MGAT4C: variants seen among roughly 807,000 people sequenced by gnomAD.
The protein encoded by MGAT4C is alpha-1,3-mannosyl-glycoprotein 4-beta-N-acetylglucosaminyltransferase C.
MGAT4C carries 19 observed loss-of-function variants against 40.1 expected under a neutral mutation model. The observed-to-expected ratio is 0.47, with a 90% CI of 0.33 to 0.70. The LOEUF (loss-of-function observed/expected upper bound fraction) is 0.70, where lower values mean the gene tolerates loss of function less well. Among genes scored for constraint, MGAT4C ranks in the 30% least tolerant of loss-of-function variants. The pLI, the probability that MGAT4C is intolerant of heterozygous loss-of-function variation, is 0.02. For synonymous variants in MGAT4C, 181 were observed against 187.1 expected (o/e 0.97, Z 0.27); for missense variants, 491 against 563.2 (o/e 0.87, Z 1.30).
chr12:85,961,593 T>C lies in MGAT4C; in HGVS notation c.*17696A>G, dbSNP rs1039219429. 12 of 151,862 alleles carry C rather than the reference T, an allele frequency of 7.9e-5. No individual in the cohort carries two copies. Among genetic ancestry groups the C allele is most frequent in the Non-Finnish European group, 1.5e-4 (10 of 67,808 alleles). The allele number at this position is 151,862 out of a possible 1,614,324, so 9.4% of individuals were successfully genotyped here. A position where few individuals can be genotyped will look rare whatever the true frequency, so the allele number is the denominator to read the frequency against. ...GGCCTAATACCTCAAGAATATTGTA[T>C]ATGCTTGTCACTATATAAACTTCAC... is the stretch of plus-strand genomic sequence containing the variant. On this transcript the variant is annotated 3_prime_UTR_variant, in exon 5 of 5. Transcript: ENST00000611864.
At chr12:86,697,729 A>C (rs2136608536) in intron 2 of MGAT4C, among the ~76,000 whole-genome samples, 1 of 152,258 alleles carries the variant, frequency 6.6e-6, no homozygotes, top group African/African-American at 2.4e-5. Context: ...CAACTGCAAT[A>C]ATGATGTTGA....
At chr12:86,437,103 AT>A (rs142369468) in intron 2 of MGAT4C, among the ~76,000 whole-genome samples, 1,555 of 151,856 alleles carry the variant, frequency 0.01, 19 homozygotes, top group East Asian at 0.045. Flanking sequence ...AGACAAAAAA[AT>A]CCCTAAGATA....
intron 1 of MGAT4C, among the ~76,000 whole-genome samples, chr12:86,122,250 T>G (rs1379299977): frequency 6.6e-6 from 1 of 152,172 alleles, no homozygotes; most frequent in Non-Finnish European, 1.5e-5. Context: ...GTATGCCTTT[T>G]TATTAGTAAA....
intron 4 of MGAT4C, among the ~76,000 whole-genome samples, chr12:86,311,382 G>A (rs377163607): frequency 9.8e-5 from 15 of 152,304 alleles, no homozygotes; most frequent in African/African-American, 3.1e-4. Context: ...CGGGGTCACC[G>A]GTGCATATGC....
intron 2 of MGAT4C, among the ~76,000 whole-genome samples, chr12:86,577,463 A>G (rs1435192123): frequency 1.3e-5 from 2 of 151,732 alleles, no homozygotes; most frequent in Non-Finnish European, 2.9e-5. Context: ...GGCTTTTATT[A>G]TGTTAAGGTA....
intron 1 of MGAT4C, among the ~76,000 whole-genome samples, chr12:86,131,490 T>C (rs1881172660): frequency 6.6e-6 from 1 of 152,106 alleles, no homozygotes; most frequent in African/African-American, 2.4e-5. Context: ...TACAAAGGGG[T>C]ATTTTGCAAT....
chr12:86,365,644 C>T (rs544669091), intron 3 of MGAT4C, among the ~76,000 whole-genome samples: 24 of 151,454 alleles, frequency 1.6e-4, no homozygotes, highest in Admixed American at 1.4e-3. Context: ...CTGGTCCCTC[C>T]GTTCGGGGTT....
At chr12:86,629,134 A>G (rs117423300) in intron 2 of MGAT4C, among the ~76,000 whole-genome samples, 3,375 of 152,284 alleles carry the variant, frequency 0.022, 51 homozygotes, top group Non-Finnish European at 0.033. Context: ...ACATTAAAAA[A>G]ACAAAGGTCA....
intron 2 of MGAT4C, among the ~76,000 whole-genome samples, chr12:86,480,356 T>A (rs1372768841): frequency 6.6e-6 from 1 of 151,740 alleles, no homozygotes; most frequent in Non-Finnish European, 1.5e-5. Context: ...TCAAAGGGTA[T>A]TTTTTAATGT....
intron 4 of MGAT4C, among the ~76,000 whole-genome samples, chr12:86,277,953 G>T (rs878987742): frequency 6.6e-6 from 1 of 152,094 alleles, no homozygotes; most frequent in Non-Finnish European, 1.5e-5. Flanking sequence ...CATTTTAATA[G>T]AGATTGCATT....
chr12:86,156,684 G>C (rs933825770), intron 1 of MGAT4C, among the ~76,000 whole-genome samples: 1 of 152,042 alleles, frequency 6.6e-6, no homozygotes, highest in African/African-American at 2.4e-5. Flanking sequence ...AGAGTATAAG[G>C]AACATAAATA....
At chr12:86,072,587 C>T (rs758741123) in intron 1 of MGAT4C, among the ~76,000 whole-genome samples, 16 of 151,714 alleles carry the variant, frequency 1.1e-4, no homozygotes, top group Non-Finnish European at 1.9e-4. Flanking sequence ...TTTTAAACAA[C>T]GAAGCAAAGG....
intron 1 of MGAT4C, among the ~76,000 whole-genome samples, chr12:86,727,918 CTTAA>C (rs1950850134): frequency 6.6e-6 from 1 of 151,976 alleles, no homozygotes. Context: ...AAAAAACTCA[CTTAA>C]TTCTCAATCC....
chr12:86,002,699 A>G (rs895088979), intron 2 of MGAT4C, among the ~76,000 whole-genome samples: 1 of 149,394 alleles, frequency 6.7e-6, no homozygotes, highest in Non-Finnish European at 1.5e-5. Context: ...CATTCTATAT[A>G]TATAGAATAT....
intron 2 of MGAT4C, among the ~76,000 whole-genome samples, chr12:86,020,795 A>G (rs1409889242): frequency 2.6e-5 from 4 of 152,210 alleles, no homozygotes; most frequent in Admixed American, 2.6e-4. Flanking sequence ...CAGAGTGAAC[A>G]GGCAACCTAC....
chr12:86,031,634 G>A (rs1037078824), intron 2 of MGAT4C, among the ~76,000 whole-genome samples: 5 of 151,806 alleles, frequency 3.3e-5, no homozygotes, highest in South Asian at 2.1e-4. Flanking sequence ...GAAAATCAAC[G>A]TTCTAGCAGC....
chr12:86,777,015 A>T (rs1250146897), intron 1 of MGAT4C, among the ~76,000 whole-genome samples: 2 of 152,138 alleles, frequency 1.3e-5, no homozygotes, highest in Non-Finnish European at 2.9e-5. Context: ...GGACTTACCC[A>T]CTTCTTCGTG....
chr12:86,573,293 A>G (rs1312674091), intron 2 of MGAT4C, among the ~76,000 whole-genome samples: 1 of 152,058 alleles, frequency 6.6e-6, no homozygotes, highest in Non-Finnish European at 1.5e-5. Flanking sequence ...ACAGAATACA[A>G]TTAGAAAATA....
At chr12:86,122,976 G>T (rs544199565) in intron 1 of MGAT4C, among the ~76,000 whole-genome samples, 17 of 152,204 alleles carry the variant, frequency 1.1e-4, no homozygotes, top group African/African-American at 4.1e-4. Context: ...GGGGAAAGAT[G>T]GCCAGTAGGA....
Sources: gnomAD v4.1 joint callset for allele counts (sites outside exome capture counted in the v4.1 genomes callset) on GRCh38, gnomAD v4.1.1 for gene constraint, MANE v1.5 for transcripts, NCBI Gene and HGNC (gene_info 2026-07-23, HGNC 2026-07-21) for gene names.